The following ATP6V1G3 variants were observed in gnomAD, a reference collection of about 807,000 sequenced individuals.
ATP6V1G3 encodes V-type proton ATPase subunit G 3.
A neutral mutation model predicts 9.3 loss-of-function variants in ATP6V1G3; 9 were observed. The observed-to-expected ratio is 0.97, with a 90% CI of 0.59 to 1.69. ATP6V1G3 has a LOEUF of 1.69. ATP6V1G3 is among the 40% of genes most tolerant of loss of function. ATP6V1G3 has a pLI of 0.00. For missense variants in ATP6V1G3, 133 were observed against 139.0 expected (o/e 0.96, Z 0.22); for synonymous variants, 43 against 43.8 (o/e 0.98, Z 0.07).
rs747696479 is a variant in ATP6V1G3 at position 198,523,577 on chromosome 1, AACAG to A, written c.184-17_184-14del. The A allele has an allele frequency of 2.5e-6, 4 of 1,606,722 alleles. No individual in the cohort carries two copies. The highest frequency in any genetic ancestry group is 2.2e-5 in the South Asian group (2 of 90,450). On this transcript the variant is annotated splice_polypyrimidine_tract_variant and intron_variant, in intron 2 of 2. Transcript: ENST00000367382. ...GAGAGCCCATTATCTACCAAAACAA[AACAG>A]ACAGAATTCACATCATAATACAATT...
chr1:198,534,784 C>G (rs1236926516), intron 1 of ATP6V1G3, among the ~76,000 whole-genome samples: 4 of 152,082 alleles, frequency 2.6e-5, no homozygotes. Flanking sequence ...TCTATTCTAC[C>G]ACTCAGAAAA....
At chr1:198,540,715 T>G (rs1660313477), upstream of ATP6V1G3, 17 of 1,454,098 alleles carry the variant, frequency 1.2e-5, no homozygotes, top group South Asian at 1.7e-4. Flanking sequence ...TTTATTCTTT[T>G]AGAAATTAAC....
chr1:198,531,879 A>G (rs763372239), intron 1 of ATP6V1G3, among the ~76,000 whole-genome samples: 3 of 152,148 alleles, frequency 2.0e-5, no homozygotes, highest in Non-Finnish European at 4.4e-5. Context: ...TGTATATAAA[A>G]TGATTGACAA....
At chr1:198,525,870 C>T (rs1659634224) in intron 2 of ATP6V1G3, among the ~76,000 whole-genome samples, 1 of 151,934 alleles carries the variant, frequency 6.6e-6, no homozygotes, top group Admixed American at 6.6e-5. Flanking sequence ...TTTCAAGACA[C>T]CATAATCATT....
chr1:198,535,858 G>A (rs189357544), intron 1 of ATP6V1G3, among the ~76,000 whole-genome samples: 2 of 152,114 alleles, frequency 1.3e-5, no homozygotes, highest in African/African-American at 4.8e-5. Context: ...GCAGCTGTAG[G>A]GGGTGAGTAC....
At chr1:198,529,588 T>G (rs1376769416) in intron 1 of ATP6V1G3, among the ~76,000 whole-genome samples, 11 of 152,128 alleles carry the variant, frequency 7.2e-5, no homozygotes, top group Non-Finnish European at 1.5e-5. Flanking sequence ...CTTGATTTGC[T>G]GCCAGAATCC....
At position 198,523,662 on chromosome 1, in the gene ATP6V1G3, C is replaced by A. The variant is rs567301799; in HGVS notation, c.184-98G>T. 8.6e-4 allele frequency: 925 copies of A among 1,074,330 alleles called. 14 individuals carry two copies. The South Asian group carries it at 0.015, about 18-fold the overall frequency. The allele number at this position is 1,074,330 out of a possible 1,614,324, so 66.5% of individuals were successfully genotyped here. ...TTACTGATGATTGTCCTACAATGCA[C>A]AATTATGTACTCCTTTTCTAGATTT... On this transcript the variant is annotated intron_variant, in intron 2 of 2. Coordinates refer to ENST00000367382, the MANE Select transcript of ATP6V1G3 (RefSeq NM_001376861.1).
intron 1 of ATP6V1G3, among the ~76,000 whole-genome samples, chr1:198,529,991 C>T (rs1213298396): frequency 6.6e-6 from 1 of 151,978 alleles, no homozygotes. Flanking sequence ...TTTTGACAAC[C>T]AGAGTAAGTT....
At chr1:198,532,121 G>A (rs1157723096) in intron 1 of ATP6V1G3, among the ~76,000 whole-genome samples, 1 of 152,112 alleles carries the variant, frequency 6.6e-6, no homozygotes, top group South Asian at 2.1e-4. Flanking sequence ...CAGGAGGAAG[G>A]TCTGAAATGA....
chr1:198,530,991 CTCTA>C (rs1659876473), intron 1 of ATP6V1G3, among the ~76,000 whole-genome samples: 1 of 151,882 alleles, frequency 6.6e-6, no homozygotes, highest in African/African-American at 2.4e-5. Flanking sequence ...AGTTATGCCT[CTCTA>C]GCACATTAAA....
intron 1 of ATP6V1G3, among the ~76,000 whole-genome samples, chr1:198,530,029 T>G (rs1659835449): frequency 6.6e-6 from 1 of 152,144 alleles, no homozygotes; most frequent in South Asian, 2.1e-4. Flanking sequence ...AAATATTAAT[T>G]GGTGCTTTGC....
chr1:198,527,788 C>CA (rs1364831981), intron 2 of ATP6V1G3, among the ~76,000 whole-genome samples: 1 of 151,744 alleles, frequency 6.6e-6, no homozygotes, highest in Non-Finnish European at 1.5e-5. Flanking sequence ...AGGCAATATG[C>CA]AAAAAACAAT....
At chr1:198,540,821 A>G (rs1660317225), upstream of ATP6V1G3, 1 of 652,880 alleles carries the variant, frequency 1.5e-6, no homozygotes, top group Admixed American at 2.8e-5. Context: ...AGGAAAGCCC[A>G]AGGTGGAATC....
intron 2 of ATP6V1G3, among the ~76,000 whole-genome samples, chr1:198,527,918 T>A (rs1659723847): frequency 6.6e-6 from 1 of 152,114 alleles, no homozygotes; most frequent in South Asian, 2.1e-4. Context: ...AACAATTGAA[T>A]AGAGATCAAA....
intron 1 of ATP6V1G3, among the ~76,000 whole-genome samples, chr1:198,536,910 G>A (rs181763059): frequency 1.3e-5 from 2 of 151,942 alleles, no homozygotes; most frequent in African/African-American, 4.8e-5. Flanking sequence ...TTGGTCATAT[G>A]TGTGTGTGTG....
intron 1 of ATP6V1G3, among the ~76,000 whole-genome samples, chr1:198,534,766 A>T (rs1449240733): frequency 6.6e-6 from 1 of 152,232 alleles, no homozygotes; most frequent in Admixed American, 6.5e-5. Context: ...AGTAATAACA[A>T]CTTTTGATCT....
intron 1 of ATP6V1G3, among the ~76,000 whole-genome samples, chr1:198,530,020 A>G (rs1659834955): frequency 6.6e-6 from 1 of 152,114 alleles, no homozygotes; most frequent in Admixed American, 6.6e-5. Context: ...GTTACAGACA[A>G]ATATTAATTG....
Position 198,529,083 on chromosome 1 carries a change from T to G in ATP6V1G3, c.181A>C (p.Lys61Gln). Residue 61 changes from lysine (K) to glutamine (Q), a missense_variant and splice_region_variant, in exon 2 of 3, where the codon AAG (lysine) becomes CAG (glutamine). Lys to Gln is a moderately conservative substitution (Grantham distance 53, BLOSUM62 1). Coordinates refer to ENST00000367382, the MANE Select transcript of ATP6V1G3 (RefSeq NM_001376861.1). ...RDKEFRLKQS[K>Q]IMGSQNNLSD... is the part of the protein sequence containing the mutation. ...ACAGTGCTGACTTTCTTACTCACCT[T>G]AGATTGTTTTAGTCGAAACTCTTTA... The G allele has an allele frequency of 6.8e-7, 1 of 1,464,658 alleles. No homozygotes were observed. Among genetic ancestry groups the G allele is most frequent in the Non-Finnish European group, 9.4e-7 (1 of 1,067,918 alleles). 90.7% of individuals were successfully genotyped at this position (1,464,658 alleles called of 1,614,324 possible). A position where few individuals can be genotyped will look rare whatever the true frequency, so the allele number is the denominator to read the frequency against.
chr1:198,532,077 T>G (rs2103137711), intron 1 of ATP6V1G3, among the ~76,000 whole-genome samples: 1 of 152,166 alleles, frequency 6.6e-6, no homozygotes, highest in Admixed American at 6.5e-5. Flanking sequence ...ATTGGAGGTA[T>G]GCAGACGACA....
Sources: allele counts gnomAD v4.1 joint callset (sites outside exome capture counted in the v4.1 genomes callset), GRCh38; gene constraint gnomAD v4.1.1; transcripts MANE v1.5; gene names NCBI Gene and HGNC (gene_info 2026-07-23, HGNC 2026-07-21).